The following ALK variants were observed in gnomAD, a reference collection of about 807,000 sequenced individuals.
ALK encodes ALK receptor tyrosine kinase, also known as ALK tyrosine kinase receptor.
Under a neutral mutation model 163.1 loss-of-function variants are expected in ALK, and 74 were observed. The observed-to-expected ratio is 0.45, with a 90% CI of 0.38 to 0.55. The LOEUF (loss-of-function observed/expected upper bound fraction) is 0.55, where lower values mean the gene tolerates loss of function less well. ALK is among the 20% of genes least tolerant of loss of function. ALK has a pLI of 0.00. For synonymous variants in ALK, 960 were observed against 843.2 expected, an observed-to-expected ratio of 1.14 and a Z score of -2.40; for missense variants, 2,063 against 2,105.3, an observed-to-expected ratio of 0.98 and a Z score of 0.39.
chr2:29,724,434 G>T (rs1679509974), intron 1 of ALK, among the ~76,000 whole-genome samples: 1 of 152,198 alleles, frequency 6.6e-6, no homozygotes, highest in African/African-American at 2.4e-5. Flanking sequence ...TACAGGGCAG[G>T]CCTGTTTTTG....
In ALK at chr2:29,344,025, A is replaced by ACATTCATGCC. The variant is rs374129460; in HGVS notation, c.1283-15554_1283-15545dup. ...AAATCTCTGAGGACACCTAGAGGAA[A>ACATTCATGCC]CATTCATGCCCACAGGTCTTGGACT... On this transcript the variant is annotated intron_variant, in intron 5 of 28. Coordinates refer to ENST00000389048, the MANE Select transcript of ALK (RefSeq NM_004304.5). Among the ~76,000 whole-genome samples the ACATTCATGCC allele has an allele frequency of 3.2e-3, 480 of 152,326 alleles. 1 individual carries two copies. The highest frequency in any genetic ancestry group is 0.011 in the African/African-American group (459 of 41,570).
intron 1 of ALK, among the ~76,000 whole-genome samples, chr2:29,808,447 C>G (rs1664672982): frequency 6.6e-6 from 1 of 152,186 alleles, no homozygotes; most frequent in African/African-American, 2.4e-5. Context: ...AACCCAGAGC[C>G]AACTGATCCC....
rs370511932 is a variant in ALK, at chr2:29,675,880, T to A, written c.952+18970A>T. Among the ~76,000 whole-genome samples, 1,235 of 152,106 alleles carry A rather than the reference T, an allele frequency of 8.1e-3. 15 individuals are homozygous for A. Among genetic ancestry groups the A allele is most frequent in the South Asian group, 0.044 (212 of 4,826 alleles). On this transcript the variant is annotated intron_variant, in intron 3 of 28. Coordinates refer to ENST00000389048, the MANE Select transcript of ALK (RefSeq NM_004304.5). ...TTAAATCCCCTTGAGGTAAGTTTTA[T>A]AAATCTTATTTTTTAAAAATTTTGT...
chr2:29,476,915 C>T (rs891963995), intron 4 of ALK, among the ~76,000 whole-genome samples: 3 of 152,146 alleles, frequency 2.0e-5, no homozygotes, highest in Admixed American at 6.5e-5. Flanking sequence ...GCCCTTTTAT[C>T]GTTGGTTGAC....
At chr2:29,691,176 C>T (rs552179845) in intron 3 of ALK, among the ~76,000 whole-genome samples, 6 of 152,288 alleles carry the variant, frequency 3.9e-5, no homozygotes, top group South Asian at 2.1e-4. Flanking sequence ...TGATGAGAGA[C>T]GCACTCCTGA....
chr2:29,281,817 T>G (rs533951165), intron 9 of ALK, among the ~76,000 whole-genome samples: 5 of 152,352 alleles, frequency 3.3e-5, no homozygotes, highest in African/African-American at 1.2e-4. Flanking sequence ...GATCTCTGCC[T>G]GAGAAATGCC....
At chr2:29,257,904 T>A (rs1208063797) in intron 11 of ALK, among the ~76,000 whole-genome samples, 1 of 152,232 alleles carries the variant, frequency 6.6e-6, no homozygotes, top group African/African-American at 2.4e-5. Flanking sequence ...AGTAGCATGA[T>A]CTTGGCTCAC....
chr2:29,199,737 G>C, intron 26 of ALK, among the ~76,000 whole-genome samples: 1 of 152,074 alleles, frequency 6.6e-6, no homozygotes, highest in East Asian at 1.9e-4. Flanking sequence ...AGCTTTATGA[G>C]ATGAATTCTT....
chr2:29,228,080 G>A (rs910244098), intron 16 of ALK, among the ~76,000 whole-genome samples: 14 of 152,178 alleles, frequency 9.2e-5, no homozygotes, highest in Admixed American at 3.9e-4. Flanking sequence ...CGGGCTGTGC[G>A]GATTGCGGGA....
intron 4 of ALK, among the ~76,000 whole-genome samples, chr2:29,446,145 A>AAAACAAAC (rs374147654): frequency 0.039 from 5,109 of 131,592 alleles, 328 homozygotes; most frequent in African/African-American, 0.14. Flanking sequence ...CTGTCTCAAA[A>AAAACAAAC]AAACAAACAA....
intron 2 of ALK, among the ~76,000 whole-genome samples, chr2:29,715,733 G>A (rs546547956): frequency 3.9e-5 from 6 of 152,256 alleles, no homozygotes; most frequent in African/African-American, 4.8e-5. Context: ...CAGTTGTATC[G>A]CAAATCTGGT....
intron 4 of ALK, among the ~76,000 whole-genome samples, chr2:29,412,619 A>T (rs1354205501): frequency 6.6e-6 from 1 of 151,962 alleles, no homozygotes; most frequent in Non-Finnish European, 1.5e-5. Context: ...TAGTTTGAAA[A>T]TTTTTTTCAG....
chr2:29,431,865 C>T (rs1210149306), intron 4 of ALK, among the ~76,000 whole-genome samples: 1 of 152,096 alleles, frequency 6.6e-6, no homozygotes, highest in East Asian at 1.9e-4. Context: ...GACCCAGATA[C>T]AAGTCAGATG....
At chr2:29,539,008 AT>A (rs1673337858) in intron 3 of ALK, among the ~76,000 whole-genome samples, 1 of 151,946 alleles carries the variant, frequency 6.6e-6, no homozygotes, top group African/African-American at 2.4e-5. Context: ...AGATGAGGCT[AT>A]TTAGTCTTCC....
intron 3 of ALK, among the ~76,000 whole-genome samples, chr2:29,539,022 C>A (rs1196615404): frequency 6.7e-6 from 1 of 149,516 alleles, no homozygotes; most frequent in South Asian, 2.1e-4. Context: ...AGTCTTCCTG[C>A]CCTTTCCTGT....
chr2:29,379,710 G>A (rs977875374), intron 5 of ALK, among the ~76,000 whole-genome samples: 3 of 152,204 alleles, frequency 2.0e-5, no homozygotes, highest in African/African-American at 7.2e-5. Context: ...ACAAAAGAAG[G>A]AGTAATATTG....
chr2:29,254,331 G>A (rs1427061569), intron 11 of ALK, among the ~76,000 whole-genome samples: 5 of 148,662 alleles, frequency 3.4e-5, no homozygotes, highest in African/African-American at 1.0e-4. Flanking sequence ...ATACATATAT[G>A]TGTGTGTGTG....
chr2:29,517,908 A>G (rs915459217), intron 4 of ALK, among the ~76,000 whole-genome samples: 6 of 152,186 alleles, frequency 3.9e-5, no homozygotes, highest in African/African-American at 1.2e-4. Flanking sequence ...CCTCCCCTTC[A>G]TCTCCTCCTT....
chr2:29,376,096 G>A (rs971135347), intron 5 of ALK, among the ~76,000 whole-genome samples: 14 of 151,238 alleles, frequency 9.3e-5, no homozygotes, highest in East Asian at 5.8e-4. Context: ...CCTCTCCTCC[G>A]TCCAGAGAAA....
Sources: gnomAD v4.1 joint callset for allele counts (sites outside exome capture counted in the v4.1 genomes callset) on GRCh38, gnomAD v4.1.1 for gene constraint, MANE v1.5 for transcripts, NCBI Gene and HGNC (gene_info 2026-07-23, HGNC 2026-07-21) for gene names.